Variants in TPTE2 observed in about 807,000 individuals in gnomAD.
TPTE2 encodes phosphatidylinositol 3,4,5-trisphosphate 3-phosphatase TPTE2.
In TPTE2, 53 loss-of-function variants were observed where a neutral mutation model predicts 78.6. The ratio of observed to expected loss-of-function variants is 0.67; its 90% CI spans 0.54 to 0.85. The LOEUF is 0.85. Among genes scored for constraint, TPTE2 ranks in the 40% least tolerant of loss-of-function variants. The pLI, the probability that TPTE2 is intolerant of heterozygous loss-of-function variation, is 0.00. For missense variants in TPTE2, 461 were observed against 623.0 expected (o/e 0.74, Z 2.77); for synonymous variants, 175 against 206.2 (o/e 0.85, Z 1.30).
At chr13:19,456,566 C>T (rs1487676739) in intron 10 of TPTE2, among the ~76,000 whole-genome samples, 1 of 152,144 alleles carries the variant, frequency 6.6e-6, no homozygotes, top group Non-Finnish European at 1.5e-5. Context: ...TAAAATAGCA[C>T]AAAAACTTAT....
upstream of TPTE2, among the ~76,000 whole-genome samples, chr13:19,537,233 AT>A (rs542858008): frequency 0.11 from 13,918 of 132,200 alleles, 1,754 homozygotes; most frequent in African/African-American, 0.33. Flanking sequence ...CTTCTACTTG[AT>A]TTTTTTTTTT....
At chr13:19,438,137 C>T (rs753286187) in exon 14 of TPTE2, 8 of 1,608,992 alleles carry the variant, frequency 5.0e-6, no homozygotes, top group Non-Finnish European at 5.9e-6. Context: ...GGGCACAAAC[C>T]ATAGTCCCGG....
At chr13:19,496,648 T>C (rs1881330909) in intron 1 of TPTE2, among the ~76,000 whole-genome samples, 1 of 152,236 alleles carries the variant, frequency 6.6e-6, no homozygotes, top group African/African-American at 2.4e-5. Flanking sequence ...AGCTCTGTTC[T>C]TTTCTGCCCA....
At chr13:19,487,112 G>T (rs1377140026) in intron 3 of TPTE2, among the ~76,000 whole-genome samples, 1 of 152,144 alleles carries the variant, frequency 6.6e-6, no homozygotes. Context: ...GTTGGCCTGG[G>T]AGTATTTCTG....
chr13:19,506,927 T>C (rs2137684323), upstream of TPTE2, among the ~76,000 whole-genome samples: 1 of 152,326 alleles, frequency 6.6e-6, no homozygotes, highest in Middle Eastern at 3.4e-3. Flanking sequence ...TCAACTCAGC[T>C]AGGAAGAAGA....
chr13:19,516,348 A>G (rs1166017468), intron 1 of TPTE2, among the ~76,000 whole-genome samples: 1 of 152,202 alleles, frequency 6.6e-6, no homozygotes, highest in Non-Finnish European at 1.5e-5. Context: ...TTCATTCTCA[A>G]CAGATTCCTA....
At chr13:19,533,971 G>C (rs1288596357) in intron 1 of TPTE2, among the ~76,000 whole-genome samples, 1 of 152,180 alleles carries the variant, frequency 6.6e-6, no homozygotes, top group Non-Finnish European at 1.5e-5. Flanking sequence ...AGCAAGACAG[G>C]AACATTAAAT....
chr13:19,465,376 A>C (rs1380357336), intron 8 of TPTE2, 58 bp from the exon 12 acceptor site: 1 of 1,612,036 alleles, frequency 6.2e-7, no homozygotes, highest in East Asian at 2.2e-5. Context: ...AAAATAAAAA[A>C]CATTATACAG....
At chr13:19,457,730 C>T (rs989406762) in intron 10 of TPTE2, among the ~76,000 whole-genome samples, 1 of 152,080 alleles carries the variant, frequency 6.6e-6, no homozygotes, top group African/African-American at 2.4e-5. Context: ...GCACAGTTTT[C>T]CATGGTATTT....
At chr13:19,500,308 G>A (rs1475923150) in intron 1 of TPTE2, among the ~76,000 whole-genome samples, 2 of 150,644 alleles carry the variant, frequency 1.3e-5, no homozygotes, top group African/African-American at 2.4e-5. Context: ...TATGAGGCCA[G>A]CATCATTCTG....
At chr13:19,503,730 T>C (rs373371827), upstream of TPTE2, among the ~76,000 whole-genome samples, 3 of 152,324 alleles carry the variant, frequency 2.0e-5, no homozygotes, top group African/African-American at 7.2e-5. Flanking sequence ...TGATGGTATT[T>C]GGGGTTTGGA....
At chr13:19,520,089 T>C (rs771143401) in intron 1 of TPTE2, among the ~76,000 whole-genome samples, 12 of 152,114 alleles carry the variant, frequency 7.9e-5, no homozygotes, top group East Asian at 3.8e-4. Context: ...TGCACATTGA[T>C]CTTATATCTT....
Position 19,436,322 on chromosome 13 carries a change from C to T in TPTE2, c.1036-16G>A, listed in dbSNP as rs189576433. Reference sequence around the variant, plus strand: ...ATAGGCTTTCCTACAAAAAAGGGTACAATCCAACCATGGTTCATCTGCACT... The same window carrying T: ...ATAGGCTTTCCTACAAAAAAGGGTATAATCCAACCATGGTTCATCTGCACT... On this transcript the variant is annotated splice_polypyrimidine_tract_variant and intron_variant, in intron 14 of 19. Coordinates refer to ENST00000400230, the Ensembl canonical transcript of TPTE2. 8.2e-5 allele frequency: 132 copies of T among 1,607,196 alleles called. No individual in the cohort carries two copies. The East Asian group carries it at 2.8e-3, about 34-fold the overall frequency.
chr13:19,439,819 A>C (rs960148512), intron 13 of TPTE2, among the ~76,000 whole-genome samples: 6 of 152,168 alleles, frequency 3.9e-5, no homozygotes, highest in Admixed American at 3.9e-4. Context: ...ACAACTGAAA[A>C]CTTTATCAAT....
intron 5 of TPTE2, 108 bp downstream of exon 8, chr13:19,475,465 A>T (rs1956409041): frequency 2.4e-6 from 3 of 1,264,748 alleles, no homozygotes; most frequent in Non-Finnish European, 3.3e-6. Context: ...ACTTCATGTG[A>T]TCTGCCCGCC....
chr13:19,449,968 G>C, intron 13 of TPTE2, 108 bp downstream of exon 16: 4 of 1,125,474 alleles, frequency 3.6e-6, no homozygotes, highest in Non-Finnish European at 5.0e-6. Context: ...ATTTAAAAAT[G>C]CTAACAATTA....
At chr13:19,434,564 C>T (rs1234555250) in intron 15 of TPTE2, among the ~76,000 whole-genome samples, 7 of 152,004 alleles carry the variant, frequency 4.6e-5, no homozygotes, top group Admixed American at 3.9e-4. Context: ...TCACTTTTAG[C>T]TTAGGGTCTA....
At chr13:19,527,950 C>T (rs1870613519) in intron 1 of TPTE2, among the ~76,000 whole-genome samples, 1 of 152,334 alleles carries the variant, frequency 6.6e-6, no homozygotes, top group Admixed American at 6.5e-5. Flanking sequence ...ACTTACTGTC[C>T]TTCTGACCAG....
At chr13:19,492,776 G>C in intron 3 of TPTE2, 74 bp downstream of exon 6, 1 of 1,579,084 alleles carries the variant, frequency 6.3e-7, no homozygotes, top group Non-Finnish European at 8.7e-7. Flanking sequence ...GGATATATTT[G>C]TGTATGTGCT....
Sources: allele counts gnomAD v4.1 joint callset (sites outside exome capture counted in the v4.1 genomes callset), GRCh38; gene constraint gnomAD v4.1.1; transcripts MANE v1.5; gene names NCBI Gene and HGNC (gene_info 2026-07-23, HGNC 2026-07-21).